Variants in CCDC85A observed in about 807,000 individuals in gnomAD.
The protein encoded by CCDC85A is coiled-coil domain-containing protein 85A.
A neutral mutation model predicts 50.2 loss-of-function variants in CCDC85A; 38 were observed. The observed-to-expected ratio is 0.76, with a 90% CI of 0.58 to 0.99. The LOEUF is 0.99. Among genes scored for constraint, CCDC85A ranks in the 50% least tolerant of loss-of-function variants. The pLI is 0.00. For synonymous variants in CCDC85A, 366 were observed against 301.4 expected, an observed-to-expected ratio of 1.21 and a Z score of -2.22; for missense variants, 820 against 742.0, an observed-to-expected ratio of 1.11 and a Z score of -1.22.
At chr2:56,343,655 G>A (rs955139109) in intron 3 of CCDC85A, among the ~76,000 whole-genome samples, 1 of 152,162 alleles carries the variant, frequency 6.6e-6, no homozygotes, top group African/African-American at 2.4e-5. Flanking sequence ...ATGATTCTAG[G>A]TTGGTTTCCT....
intron 2 of CCDC85A, among the ~76,000 whole-genome samples, chr2:56,329,943 CTGTTTTTTTTTTT>C (rs1673686324): frequency 2.2e-4 from 5 of 22,892 alleles, no homozygotes; most frequent in South Asian, 1.9e-3. Flanking sequence ...TACAGATTTC[CTGTTTTTTTTTTT>C]TTTTTTTTTT....
chr2:56,239,881 A>G (rs913104502), intron 2 of CCDC85A, among the ~76,000 whole-genome samples: 1 of 152,048 alleles, frequency 6.6e-6, no homozygotes, highest in East Asian at 1.9e-4. Context: ...TCTTTTTTCA[A>G]CTTGTCATTT....
intron 2 of CCDC85A, among the ~76,000 whole-genome samples, chr2:56,209,359 A>C (rs903735211): frequency 6.6e-6 from 1 of 151,766 alleles, no homozygotes; most frequent in Admixed American, 6.6e-5. Flanking sequence ...TTACAAGAAG[A>C]TTAATTTAGG....
At chr2:56,299,514 C>A (rs568728362) in intron 2 of CCDC85A, among the ~76,000 whole-genome samples, 37 of 152,260 alleles carry the variant, frequency 2.4e-4, no homozygotes, top group Non-Finnish European at 4.4e-4. Flanking sequence ...TGTTTCCTAG[C>A]TTTGCCACTG....
chr2:56,219,383 C>T (rs1453244835), intron 2 of CCDC85A, among the ~76,000 whole-genome samples: 1 of 151,460 alleles, frequency 6.6e-6, no homozygotes, highest in African/African-American at 2.4e-5. Context: ...AAAAATAGTC[C>T]ATGATCTTGC....
chr2:56,312,154 T>A (rs1031808853), intron 2 of CCDC85A, among the ~76,000 whole-genome samples: 1 of 152,002 alleles, frequency 6.6e-6, no homozygotes. Context: ...GCAGACTAAT[T>A]TTTGAGGTGT....
In CCDC85A at chr2:56,184,061, C is replaced by A; in HGVS notation, c.-564C>A. The A allele has an allele frequency of 2.0e-6, 2 of 985,410 alleles. No homozygotes were observed. Among genetic ancestry groups the A allele is most frequent in the Non-Finnish European group, 2.4e-6 (2 of 830,040 alleles). The allele number at this position is 985,410 out of a possible 1,614,324, so 61.0% of individuals were successfully genotyped here. A position where few individuals can be genotyped will look rare whatever the true frequency, so the allele number is the denominator to read the frequency against. ...GGAGCGGCCGCGGGCGCAGCGAAGGCGGCAGGAGGAGCGCAGCAGCCTTCG... is the reference window on the plus strand; with the variant it reads ...GGAGCGGCCGCGGGCGCAGCGAAGGAGGCAGGAGGAGCGCAGCAGCCTTCG... On this transcript the variant is annotated 5_prime_UTR_variant, in exon 1 of 6. Coordinates refer to ENST00000407595, the MANE Select transcript of CCDC85A (RefSeq NM_001080433.2).
intron 2 of CCDC85A, among the ~76,000 whole-genome samples, chr2:56,196,254 C>T (rs1245398596): frequency 2.0e-5 from 3 of 152,142 alleles, no homozygotes; most frequent in Non-Finnish European, 4.4e-5. Flanking sequence ...CTCAAAAATG[C>T]ATTTAACTCT....
intron 3 of CCDC85A, among the ~76,000 whole-genome samples, chr2:56,360,159 T>C (rs1243559713): frequency 6.6e-6 from 1 of 152,260 alleles, no homozygotes; most frequent in Non-Finnish European, 1.5e-5. Flanking sequence ...AATAAACTTT[T>C]TTTAAAAAAG....
chr2:56,284,095 CTG>C (rs376944846), intron 2 of CCDC85A, among the ~76,000 whole-genome samples: 9 of 151,874 alleles, frequency 5.9e-5, no homozygotes, highest in African/African-American at 2.2e-4. Context: ...TTCTATTTCC[CTG>C]TGATTTTTTT....
chr2:56,295,596 G>T (rs922275798), intron 2 of CCDC85A, among the ~76,000 whole-genome samples: 1 of 152,086 alleles, frequency 6.6e-6, no homozygotes, highest in African/African-American at 2.4e-5. Flanking sequence ...CGTGGCAAGT[G>T]CTTGGCTCCT....
intron 2 of CCDC85A, among the ~76,000 whole-genome samples, chr2:56,199,149 AAGCT>A (rs1573011904): frequency 1.3e-5 from 2 of 152,214 alleles, no homozygotes; most frequent in Non-Finnish European, 2.9e-5. Flanking sequence ...GGGAAGTGAA[AAGCT>A]ATGGTGAGTT....
At chr2:56,324,922 C>G (rs933416937) in intron 2 of CCDC85A, among the ~76,000 whole-genome samples, 1 of 152,028 alleles carries the variant, frequency 6.6e-6, no homozygotes, top group Non-Finnish European at 1.5e-5. Flanking sequence ...TTCATTTCTT[C>G]ACTTTTTATT....
chr2:56,189,295 G>GTATTTTTTTTTTTTT (rs773078371), intron 1 of CCDC85A, among the ~76,000 whole-genome samples: 3,712 of 99,950 alleles, frequency 0.037, 235 homozygotes, highest in Non-Finnish European at 0.056. Flanking sequence ...GGTATTTTTG[G>GTATTTTTTTTTTTTT]TGTTTTTTTT....
At chr2:56,377,099 T>C (rs909257024) in intron 5 of CCDC85A, among the ~76,000 whole-genome samples, 2 of 152,224 alleles carry the variant, frequency 1.3e-5, no homozygotes, top group African/African-American at 4.8e-5. Flanking sequence ...ATATACTGAT[T>C]ATTGATGAGG....
At chr2:56,215,293 C>A (rs891207233) in intron 2 of CCDC85A, among the ~76,000 whole-genome samples, 9 of 151,702 alleles carry the variant, frequency 5.9e-5, no homozygotes, top group Non-Finnish European at 7.4e-5. Context: ...TGTTTTTTGT[C>A]ATTTCTTTGA....
chr2:56,342,741 G>T, intron 2 of CCDC85A, 138 bp from the exon 3 acceptor site: 3 of 514,818 alleles, frequency 5.8e-6, no homozygotes, highest in Non-Finnish European at 6.9e-6. Context: ...ATTTTTCTGG[G>T]AGATATTTTT....
intron 2 of CCDC85A, among the ~76,000 whole-genome samples, chr2:56,303,550 C>G (rs1672301349): frequency 1.3e-5 from 2 of 151,952 alleles, no homozygotes; most frequent in Admixed American, 1.3e-4. Flanking sequence ...CTAAAGGGCA[C>G]CAAGCAGGAA....
intron 2 of CCDC85A, among the ~76,000 whole-genome samples, chr2:56,206,732 A>G (rs1412086255): frequency 6.6e-6 from 1 of 152,202 alleles, no homozygotes; most frequent in East Asian, 1.9e-4. Flanking sequence ...ACTTTGGGGA[A>G]CACATTCAAA....
Sources: gnomAD v4.1 joint callset for allele counts (sites outside exome capture counted in the v4.1 genomes callset) on GRCh38, gnomAD v4.1.1 for gene constraint, MANE v1.5 for transcripts, NCBI Gene and HGNC (gene_info 2026-07-23, HGNC 2026-07-21) for gene names.